The following NXPH1 variants were observed in gnomAD, a reference collection of about 807,000 sequenced individuals.
NXPH1 encodes the protein neurexophilin 1, also known as neurexophilin-1.
A neutral mutation model predicts 23.7 loss-of-function variants in NXPH1; 5 were observed. That is an observed-to-expected ratio of 0.21 (90% CI 0.11 to 0.44). The LOEUF (loss-of-function observed/expected upper bound fraction) is 0.44. NXPH1 is among the 20% of genes least tolerant of loss of function. The probability of loss-of-function intolerance (pLI) is 0.99; values close to 1 mark genes in which losing one functional copy is unlikely to be tolerated. For synonymous variants in NXPH1, 144 were observed against 122.2 expected (o/e 1.18, Z -1.18); for missense variants, 324 against 321.6 (o/e 1.01, Z -0.06).
intron 2 of NXPH1, among the ~76,000 whole-genome samples, chr7:8,496,863 A>C (rs1351735842): frequency 6.6e-6 from 1 of 152,094 alleles, no homozygotes; most frequent in Non-Finnish European, 1.5e-5. Context: ...GTAGGTAAAT[A>C]AAAACAGATT....
intron 2 of NXPH1, among the ~76,000 whole-genome samples, chr7:8,522,552 G>A (rs546807308): frequency 6.6e-6 from 1 of 152,212 alleles, no homozygotes; most frequent in African/African-American, 2.4e-5. Context: ...ATCAGCTCTA[G>A]CACCGTTTTT....
At chr7:8,551,747 C>T (rs1818279025) in intron 2 of NXPH1, among the ~76,000 whole-genome samples, 1 of 151,252 alleles carries the variant, frequency 6.6e-6, no homozygotes, top group Non-Finnish European at 1.5e-5. Flanking sequence ...TTCTGAATTC[C>T]TACAGTGCAT....
At chr7:8,702,188 A>G (rs1779635116) in intron 2 of NXPH1, among the ~76,000 whole-genome samples, 1 of 152,078 alleles carries the variant, frequency 6.6e-6, no homozygotes, top group Non-Finnish European at 1.5e-5. Context: ...AAAGATTAGA[A>G]TGGCAAGAAG....
At chr7:8,438,533 T>C (rs1265541967) in intron 2 of NXPH1, among the ~76,000 whole-genome samples, 3 of 152,260 alleles carry the variant, frequency 2.0e-5, no homozygotes, top group African/African-American at 7.2e-5. Context: ...TCTTAGCTGA[T>C]ATCTCAGTGC....
chr7:8,499,518 C>T (rs1817396241), intron 2 of NXPH1, among the ~76,000 whole-genome samples: 1 of 152,080 alleles, frequency 6.6e-6, no homozygotes, highest in Non-Finnish European at 1.5e-5. Context: ...GCCTAAGTAG[C>T]TTGTAGTTTG....
chr7:8,673,683 G>A (rs892609115), intron 2 of NXPH1, among the ~76,000 whole-genome samples: 1 of 152,090 alleles, frequency 6.6e-6, no homozygotes, highest in African/African-American at 2.4e-5. Flanking sequence ...ATGTATGTAT[G>A]TATGATAATT....
Position 8,523,276 on chromosome 7 carries a change from C to T in NXPH1, c.54+87509C>T, listed in dbSNP as rs1242226444. On this transcript the variant is annotated intron_variant, in intron 2 of 2. Transcript: ENST00000405863. The stretch of plus-strand genomic sequence containing the variant: ...CACACTTGGTGCCTCATAACAGGCA[C>T]ACTCAGAATTTCTAATATTGGGAGA... Among the ~76,000 whole-genome samples the T allele has an allele frequency of 2.6e-5, 4 of 152,194 alleles. No individual in the cohort carries two copies. The East Asian group carries it at 7.7e-4, about 29-fold the overall frequency.
intron 2 of NXPH1, among the ~76,000 whole-genome samples, chr7:8,635,623 T>TG (rs1271633595): frequency 1.3e-5 from 2 of 152,206 alleles, no homozygotes; most frequent in Non-Finnish European, 2.9e-5. Context: ...GCCAGAACGT[T>TG]GGAGAGTGAC....
intron 2 of NXPH1, among the ~76,000 whole-genome samples, chr7:8,621,005 A>C (rs1819856514): frequency 6.6e-6 from 1 of 152,232 alleles, no homozygotes; most frequent in African/African-American, 2.4e-5. Flanking sequence ...ATATTAATTC[A>C]TCAAATAATT....
chr7:8,601,792 C>G (rs538160036), intron 2 of NXPH1, among the ~76,000 whole-genome samples: 1 of 152,250 alleles, frequency 6.6e-6, no homozygotes, highest in Admixed American at 6.5e-5. Context: ...ACTGGCTGTT[C>G]TTCCTGTAAC....
intron 2 of NXPH1, among the ~76,000 whole-genome samples, chr7:8,689,023 T>C (rs778038082): frequency 1.1e-4 from 16 of 152,158 alleles, no homozygotes; most frequent in Admixed American, 5.2e-4. Flanking sequence ...AAATTCATAG[T>C]AGTCTCTTTT....
intron 2 of NXPH1, among the ~76,000 whole-genome samples, chr7:8,591,581 T>C (rs1583177057): frequency 6.6e-6 from 1 of 152,030 alleles, no homozygotes. Context: ...TCTTCTCCCT[T>C]AATCTTGCAA....
chr7:8,616,565 G>T (rs1819742298), intron 2 of NXPH1, among the ~76,000 whole-genome samples: 2 of 152,148 alleles, frequency 1.3e-5, no homozygotes, highest in Non-Finnish European at 2.9e-5. Context: ...AATATTTGAG[G>T]AATGAATTAA....
intron 2 of NXPH1, among the ~76,000 whole-genome samples, chr7:8,656,436 A>G (rs1336907717): frequency 6.6e-6 from 1 of 152,044 alleles, no homozygotes; most frequent in Non-Finnish European, 1.5e-5. Context: ...CATTACAGAG[A>G]AGAGGATATA....
chr7:8,539,176 T>A (rs1283202365), intron 2 of NXPH1, among the ~76,000 whole-genome samples: 1 of 151,838 alleles, frequency 6.6e-6, no homozygotes, highest in Non-Finnish European at 1.5e-5. Flanking sequence ...GAGTTGATGG[T>A]GGTGCTGAAG....
intron 2 of NXPH1, among the ~76,000 whole-genome samples, chr7:8,740,249 T>G (rs1780338603): frequency 6.6e-6 from 1 of 152,200 alleles, no homozygotes; most frequent in African/African-American, 2.4e-5. Context: ...GCCCCTATAT[T>G]TATACCTTAG....
intron 2 of NXPH1, among the ~76,000 whole-genome samples, chr7:8,633,825 C>T (rs970911128): frequency 1.3e-5 from 2 of 152,064 alleles, no homozygotes; most frequent in East Asian, 1.9e-4. Context: ...CTGAGGTCTG[C>T]GGAAGGAAGG....
At chr7:8,700,814 A>G (rs1284726246) in intron 2 of NXPH1, among the ~76,000 whole-genome samples, 2 of 151,996 alleles carry the variant, frequency 1.3e-5, no homozygotes, top group African/African-American at 2.4e-5. Flanking sequence ...TGTTTTCTCT[A>G]TTACAGAAAT....
chr7:8,451,836 C>T (rs529976745), intron 2 of NXPH1, among the ~76,000 whole-genome samples: 1 of 152,344 alleles, frequency 6.6e-6, no homozygotes, highest in African/African-American at 2.4e-5. Context: ...TGAAAGATTG[C>T]TGCATAGGCA....
Sources: gnomAD v4.1 joint callset for allele counts (sites outside exome capture counted in the v4.1 genomes callset) on GRCh38, gnomAD v4.1.1 for gene constraint, MANE v1.5 for transcripts, NCBI Gene and HGNC (gene_info 2026-07-23, HGNC 2026-07-21) for gene names.